The following PRKD1 variants were observed in gnomAD, a reference collection of about 807,000 sequenced individuals.
The protein encoded by PRKD1 is serine/threonine-protein kinase D1.
Under a neutral mutation model 95.9 loss-of-function variants are expected in PRKD1, and 63 were observed. The ratio of observed to expected loss-of-function variants is 0.66; its 90% confidence interval spans 0.54 to 0.81. The LOEUF is 0.81. Among genes scored for constraint, PRKD1 ranks in the 30% least tolerant of loss-of-function variants. The probability of loss-of-function intolerance (pLI) is 0.00; values close to 1 mark genes in which losing one functional copy is unlikely to be tolerated. For synonymous variants in PRKD1, 425 were observed against 423.1 expected (o/e 1.00, Z -0.05); for missense variants, 1,048 against 1,165.3 (o/e 0.90, Z 1.47).
intron 2 of PRKD1, among the ~76,000 whole-genome samples, chr14:29,692,314 GC>G (rs1884286546): frequency 6.6e-6 from 1 of 151,806 alleles, no homozygotes; most frequent in Non-Finnish European, 1.5e-5. Flanking sequence ...TTCCATTCCT[GC>G]CATTAAATCT....
intron 1 of PRKD1, among the ~76,000 whole-genome samples, chr14:29,861,912 A>G (rs1156483410): frequency 6.6e-6 from 1 of 152,174 alleles, no homozygotes; most frequent in Non-Finnish European, 1.5e-5. Flanking sequence ...TTGGCCTCCC[A>G]AAGTGCTGGG....
chr14:29,686,118 T>A (rs1290440612), intron 2 of PRKD1, among the ~76,000 whole-genome samples: 2 of 152,210 alleles, frequency 1.3e-5, no homozygotes, highest in African/African-American at 4.8e-5. Flanking sequence ...AATCCTTTAA[T>A]AGGATACAGA....
At chr14:29,688,223 T>C (rs1883996911) in intron 2 of PRKD1, among the ~76,000 whole-genome samples, 1 of 152,326 alleles carries the variant, frequency 6.6e-6, no homozygotes, top group Non-Finnish European at 1.5e-5. Context: ...GCCTCCTGCC[T>C]CCACATTTAA....
intron 4 of PRKD1, chr14:29,656,595 A>C: frequency 7.4e-7 from 1 of 1,343,420 alleles, no homozygotes; most frequent in Non-Finnish European, 1.0e-6. Flanking sequence ...GAAGCAAAGC[A>C]CATTACTCAA....
chr14:29,740,303 A>C (rs1886930214), intron 1 of PRKD1, among the ~76,000 whole-genome samples: 1 of 152,254 alleles, frequency 6.6e-6, no homozygotes, highest in Non-Finnish European at 1.5e-5. Context: ...ACAAATTAAA[A>C]ATAATAGACA....
In PRKD1 at chr14:29,867,835, T is replaced by C. The variant is rs576785371; in HGVS notation, c.264+59414A>G. Among the ~76,000 whole-genome samples the C allele has an allele frequency of 1.2e-4, 19 of 152,268 alleles. No individual in the cohort carries two copies. In the East Asian group the frequency reaches 2.9e-3, roughly 23 times the overall value. On this transcript the variant is annotated intron_variant, in intron 1 of 17. Transcript: ENST00000331968. ...ATAAATGAGCCAACAACCCAGAAAT[T>C]TGGAAGAGGCAGTTACAAATTAGTT...
At chr14:29,842,627 T>C (rs1891900655) in intron 1 of PRKD1, among the ~76,000 whole-genome samples, 1 of 152,244 alleles carries the variant, frequency 6.6e-6, no homozygotes, top group Non-Finnish European at 1.5e-5. Context: ...AAGGCTATGT[T>C]ATTTGGGTAT....
intron 10 of PRKD1, 196 bp downstream of exon 10, chr14:29,630,546 T>C (rs930988017): frequency 3.1e-6 from 2 of 638,808 alleles, no homozygotes; most frequent in African/African-American, 3.7e-5. Flanking sequence ...TATAATAAAA[T>C]AGGATAATTT....
intron 1 of PRKD1, among the ~76,000 whole-genome samples, chr14:29,872,509 G>A (rs988130956): frequency 5.3e-5 from 8 of 151,688 alleles, no homozygotes; most frequent in South Asian, 2.1e-4. Context: ...AAAATTAGCC[G>A]GGCATGGTGG....
At position 29,593,966 on chromosome 14, in the gene PRKD1, A is replaced by G. The variant is rs1008070267; in HGVS notation, c.2434+3525T>C. On this transcript the variant is annotated intron_variant, in intron 16 of 17. Coordinates refer to ENST00000331968, the MANE Select transcript of PRKD1 (RefSeq NM_002742.3). Reference sequence around the variant, plus strand: ...AATAAGCACCCTTTTGGTATACAACAATGTATAGTGTAAAGAATGGAGACA... The same window carrying G: ...AATAAGCACCCTTTTGGTATACAACGATGTATAGTGTAAAGAATGGAGACA... 133 of 303,696 alleles carry G rather than the reference A, an allele frequency of 4.4e-4. 2 individuals carry two copies. The highest frequency in any genetic ancestry group is 8.3e-4 in the Non-Finnish European group (128 of 154,714). 18.8% of individuals were successfully genotyped at this position (303,696 alleles called of 1,614,324 possible).
chr14:29,660,122 C>T (rs1409587532), intron 4 of PRKD1, among the ~76,000 whole-genome samples: 2 of 152,116 alleles, frequency 1.3e-5, no homozygotes, highest in Non-Finnish European at 2.9e-5. Context: ...TTCTTCTTTG[C>T]CATATAGATA....
At chr14:29,698,015 G>A (rs1320590382) in intron 2 of PRKD1, among the ~76,000 whole-genome samples, 1 of 152,146 alleles carries the variant, frequency 6.6e-6, no homozygotes, top group African/African-American at 2.4e-5. Context: ...CTTTACTGAA[G>A]TGTGTTTTTC....
intron 16 of PRKD1, among the ~76,000 whole-genome samples, chr14:29,585,782 C>T (rs1892903014): frequency 1.3e-5 from 2 of 152,038 alleles, no homozygotes; most frequent in African/African-American, 4.8e-5. Context: ...TTACAATGTT[C>T]GTTTTAATGG....
At chr14:29,914,307 A>T (rs1244208048) in intron 1 of PRKD1, among the ~76,000 whole-genome samples, 1 of 152,246 alleles carries the variant, frequency 6.6e-6, no homozygotes, top group Non-Finnish European at 1.5e-5. Context: ...TTAGCTGGTG[A>T]TTGATCATGT....
intron 4 of PRKD1, 88 bp from the exon 5 acceptor site, chr14:29,638,992 T>C: frequency 1.0e-6 from 1 of 971,200 alleles, no homozygotes; most frequent in South Asian, 1.7e-5. Flanking sequence ...GGTTTACTCT[T>C]GTATTTAGTA....
chr14:29,927,208 C>T, intron 1 of PRKD1, 41 bp downstream of exon 1: 9 of 1,456,206 alleles, frequency 6.2e-6, no homozygotes, highest in Non-Finnish European at 8.2e-6. Flanking sequence ...GCCCCCTGCG[C>T]CGCGGGGAGG....
intron 16 of PRKD1, among the ~76,000 whole-genome samples, chr14:29,581,787 T>C (rs1200317117): frequency 6.6e-6 from 1 of 152,198 alleles, no homozygotes; most frequent in Non-Finnish European, 1.5e-5. Context: ...TTAATTCTCC[T>C]AGCTTTCTGT....
intron 1 of PRKD1, among the ~76,000 whole-genome samples, chr14:29,801,316 C>T (rs1890017242): frequency 6.6e-6 from 1 of 152,162 alleles, no homozygotes; most frequent in Non-Finnish European, 1.5e-5. Context: ...ACCATACCTA[C>T]AAAAAACCTT....
chr14:29,809,454 A>G (rs573710377), intron 1 of PRKD1, among the ~76,000 whole-genome samples: 1 of 152,316 alleles, frequency 6.6e-6, no homozygotes, highest in East Asian at 1.9e-4. Flanking sequence ...TCTTCATTGA[A>G]AATCTGTTAT....
Sources: allele counts gnomAD v4.1 joint callset (sites outside exome capture counted in the v4.1 genomes callset), GRCh38; gene constraint gnomAD v4.1.1; transcripts MANE v1.5; gene names NCBI Gene and HGNC (gene_info 2026-07-23, HGNC 2026-07-21).